Variants in ANAPC2 observed in about 807,000 individuals in gnomAD.
ANAPC2 encodes the protein anaphase-promoting complex subunit 2.
ANAPC2 carries 29 observed loss-of-function variants against 84.3 expected under a neutral mutation model. That is an observed-to-expected ratio of 0.34 (90% confidence interval 0.26 to 0.47). The LOEUF is 0.47. ANAPC2 is among the 20% of genes least tolerant of loss of function. The pLI, the probability that ANAPC2 is intolerant of heterozygous loss-of-function variation, is 1.00. For missense variants in ANAPC2, 857 were observed against 1,131.7 expected, an observed-to-expected ratio of 0.76 and a Z score of 3.48; for synonymous variants, 571 against 479.4, an observed-to-expected ratio of 1.19 and a Z score of -2.50.
chr9:137,184,143 C>T (rs899731837), intron 4 of ANAPC2, among the ~76,000 whole-genome samples: 23 of 152,354 alleles, frequency 1.5e-4, no homozygotes, highest in African/African-American at 5.5e-4. Context: ...GCCCGGTGCA[C>T]CCCCCTGCAA....
chr9:137,180,221 G>T lies in ANAPC2; in HGVS notation c.1850C>A (p.Ala617Glu), dbSNP rs749806668. 1.2e-6 allele frequency: 2 copies of T among 1,613,826 alleles called. No individual in the cohort carries two copies. Among genetic ancestry groups the T allele is most frequent in the East Asian group, 4.5e-5 (2 of 44,874 alleles). The stretch of plus-strand genomic sequence containing the variant: ...CTTCTTGCAGTAAGCCTCCAGGGCT[G>T]CCCTGATATCCTCGGGGACCTCCAG... ...EKLEVPEDIR[A>E]ALEAYCKKYE... The change falls in exon 10 of 13, where the codon GCA (alanine) becomes GAA (glutamate). Residue 617 changes from alanine to glutamate, a missense_variant. Transcript: ENST00000323927.
Position 137,180,788 on chromosome 9 carries a change from C to A in ANAPC2, c.1610G>T (p.Arg537Leu). ...ATGGCCAGCGCGTCACAGGCCTCAC[C>A]GCTCGGGGCTGAAGCTGAACTGGTG... The part of the protein sequence containing the change: ...LLHQFSFSPE[R>L]EIRNVELLKL... Residue 537 changes from arginine to leucine, a missense_variant and splice_region_variant, in exon 8 of 13, where the codon CGG becomes CTG. Physicochemically the swap from Arg to Leu is moderately radical, Grantham distance 102. This residue lies in a region of ANAPC2 where 425 missense variants were observed against 595.5 expected (regional missense o/e 0.71). Transcript: ENST00000323927. 1.2e-6 allele frequency: 2 copies of A among 1,610,260 alleles called. No individual in the cohort carries two copies. The highest frequency in any genetic ancestry group is 1.7e-6 in the Non-Finnish European group (2 of 1,179,506).
At position 137,180,209 on chromosome 9, in the gene ANAPC2, G is replaced by A; in HGVS notation, c.1862C>T (p.Ala621Val). 2 of 1,613,750 alleles carry A rather than the reference G, an allele frequency of 1.2e-6. No individual in the cohort carries two copies. Among genetic ancestry groups the A allele is most frequent in the Non-Finnish European group, 1.7e-6 (2 of 1,179,998 alleles). ...VPEDIRAALEAYCKKYEQLKA... is the reference protein window; with the variant it reads ...VPEDIRAALEVYCKKYEQLKA... ...GAGCTGCTCATACTTCTTGCAGTAA[G>A]CCTCCAGGGCTGCCCTGATATCCTC... Residue 621 changes from alanine to valine, a missense_variant, in exon 10 of 13, where the codon GCT becomes GTT. Ala to Val is a moderately conservative substitution (Grantham distance 64). This residue lies in a region of ANAPC2 where 425 missense variants were observed against 595.5 expected (regional missense o/e 0.71). Transcript: ENST00000323927.
intron 10 of ANAPC2, chr9:137,176,044 A>AG (rs1305878661): frequency 5.3e-6 from 3 of 564,342 alleles, no homozygotes; most frequent in Non-Finnish European, 8.8e-6. Flanking sequence ...CAGCATCATA[A>AG]GGTGTGTCCC....
chr9:137,183,071 G>A, intron 6 of ANAPC2, 54 bp downstream of exon 6: 4 of 1,450,160 alleles, frequency 2.8e-6, no homozygotes, highest in African/African-American at 1.4e-5. Flanking sequence ...ACCACGAGGA[G>A]CTCAGCAGGA....
rs770260478 is a variant in ANAPC2 at position 137,174,963 on chromosome 9, G to A, written c.2448C>T (p.Arg816=). Residue 816 remains arginine (R), a synonymous_variant, in exon 13 of 13, where the codon CGC becomes CGT. Transcript: ENST00000323927. The surrounding 1 kb of genome is among the most constrained non-coding windows in gnomAD (Gnocchi z 6.1). ...TGTGTCAGCTGCAGTTCTTGGGCAG[G>A]CGGTAGACGCCGGCCGAGTAGACGA... ...QQLVYSAGVY[R]LPKNCS The A allele has an allele frequency of 6.3e-7, 1 of 1,586,284 alleles. No individual in the cohort carries two copies. Among genetic ancestry groups the A allele is most frequent in the Non-Finnish European group, 8.6e-7 (1 of 1,168,086 alleles).
intron 3 of ANAPC2, 102 bp from the exon 4 acceptor site, chr9:137,185,189 G>T: frequency 7.7e-7 from 1 of 1,300,364 alleles, no homozygotes; most frequent in Non-Finnish European, 1.0e-6. Flanking sequence ...TGTCGGCCGG[G>T]ACCGAGGGGA....
In ANAPC2 at chr9:137,183,740, C is replaced by T. The variant is rs781263969; in HGVS notation, c.1100G>A (p.Arg367Lys). The change falls in exon 5 of 13, where the codon AGG (arginine) becomes AAG (lysine). Residue 367 changes from arginine to lysine, a missense_variant. Around this residue, in one of 3 missense-constraint regions of ANAPC2, gnomAD observed 428 missense variants for 513.8 expected, o/e 0.83. Transcript: ENST00000323927. ...GAGCAGCTGCTGCCTCTGGTCCGTC[C>T]TCTCCAGGCAGTACTTGAGGTCCTC... Reference protein sequence around the residue: ...AIEDLKYCLERTDQRQQLLVS... With the variant: ...AIEDLKYCLEKTDQRQQLLVS... The T allele has an allele frequency of 6.2e-7, 1 of 1,613,336 alleles. No individual in the cohort carries two copies. The highest frequency in any genetic ancestry group is 8.5e-7 in the Non-Finnish European group (1 of 1,179,952).
At position 137,180,331 on chromosome 9, in the gene ANAPC2, C is replaced by T. The variant is rs759284055; in HGVS notation, c.1740G>A (p.Lys580=). 6.2e-7 allele frequency: 1 copy of T among 1,613,260 alleles called. No homozygotes were observed. The highest frequency in any genetic ancestry group is 1.1e-5 in the South Asian group (1 of 91,090). Reference sequence around the variant, plus strand: ...ACGGTGGCTGCTCCTCTGCTGGCCGCTTCTCATCCTCCTCCCGGATGTTGG... The same window carrying T: ...ACGGTGGCTGCTCCTCTGCTGGCCGTTTCTCATCCTCCTCCCGGATGTTGG... ...INANIREEDE[K]RPAEEQPPFG... The change falls in exon 10 of 13, where the codon AAG becomes AAA. Residue 580 remains lysine (K), a synonymous_variant. Transcript: ENST00000323927.
rs1178544001 is a variant in ANAPC2 at position 137,181,868 on chromosome 9, G to A, written c.1287-6C>T. On this transcript the variant is annotated splice_polypyrimidine_tract_variant and splice_region_variant and intron_variant, in intron 6 of 12. Transcript: ENST00000323927. ...GCACTGTGTCCTCCCGCGTCCTGCC[G>A]ATGTGAGTGCTGCTGTGGCCCACAG... 14 of 1,598,908 alleles carry A rather than the reference G, an allele frequency of 8.8e-6. No homozygotes were observed. Among genetic ancestry groups the A allele is most frequent in the Admixed American group, 3.3e-5 (2 of 59,728 alleles).
chr9:137,175,162 C>A lies in ANAPC2; in HGVS notation c.2257-8G>T, dbSNP rs775469575. On this transcript the variant is annotated splice_polypyrimidine_tract_variant and splice_region_variant and intron_variant, in intron 12 of 12. Transcript: ENST00000323927. ...GATGTACGTCCAGAAGAGCTGCGGA[C>A]ACAGGCCAGCCCCCGTCAGGCACCT... 6.2e-7 allele frequency: 1 copy of A among 1,604,990 alleles called. No individual in the cohort carries two copies. Among genetic ancestry groups the A allele is most frequent in the South Asian group, 1.1e-5 (1 of 90,050 alleles).
At chr9:137,187,353 ACTCT>A (rs1358725623) in intron 2 of ANAPC2, 124 bp downstream of exon 2, 14 of 1,220,600 alleles carry the variant, frequency 1.1e-5, no homozygotes, top group Admixed American at 2.6e-5. Context: ...AATCCCTGGG[ACTCT>A]CTCTCTGTCA....
Position 137,175,444 on chromosome 9 carries a change from C to T in ANAPC2, c.2049G>A (p.Lys683=), listed in dbSNP as rs925783310. The part of the protein sequence containing the change: ...QASWTLEELS[K]AVKMPVALLR... The stretch of plus-strand genomic sequence containing the variant: ...GCAGCGCCACGGGCATCTTCACCGC[C>T]TTGCTCAGTTCCTCCAGGGTCCAGC... The change falls in exon 12 of 13, where the codon AAG becomes AAA. Residue 683 remains lysine (K), a synonymous_variant. Transcript: ENST00000323927. 15 of 1,594,592 alleles carry T rather than the reference C, an allele frequency of 9.4e-6. No homozygotes were observed. In the African/African-American group the frequency reaches 1.6e-4, roughly 17 times the overall value.
chr9:137,183,855 A>T, intron 4 of ANAPC2, 64 bp from the exon 5 acceptor site: 2 of 1,589,270 alleles, frequency 1.3e-6, no homozygotes, highest in Non-Finnish European at 1.7e-6. Context: ...AGGCTGGTGC[A>T]GAGTGTGTGC....
intron 7 of ANAPC2, 32 bp from the exon 8 acceptor site, chr9:137,180,961 C>T (rs762903848): frequency 1.2e-6 from 2 of 1,607,376 alleles, no homozygotes; most frequent in Non-Finnish European, 8.5e-7. Context: ...TGTCACCTGA[C>T]AGGCACCTGG....
chr9:137,187,611 C>G lies in ANAPC2; in HGVS notation c.610G>C (p.Asp204His). The change falls in exon 2 of 13, where the codon GAC (aspartate) becomes CAC (histidine). Residue 204 changes from aspartate to histidine, a missense_variant. Around this residue, in one of 3 missense-constraint regions of ANAPC2, gnomAD observed 428 missense variants for 513.8 expected, o/e 0.83. Transcript: ENST00000323927. ...GTDPELEGEL[D>H]SRYARRRYYR... Reference sequence around the variant, plus strand: ...TACCGGCGACGGGCATACCGGCTGTCCAGCTCCCCTTCCAGTTCCGGGTCT... The same window carrying G: ...TACCGGCGACGGGCATACCGGCTGTGCAGCTCCCCTTCCAGTTCCGGGTCT... The G allele has an allele frequency of 6.2e-7, 1 of 1,614,032 alleles. No individual in the cohort carries two copies.
rs757788965 is a variant in ANAPC2 at position 137,188,111 on chromosome 9, G to A, written c.118-8C>T. ...GCTGGTCCGGGAAGACACCTGGGGT[G>A]CAGAAAACCGTGAGGCGAGGGGAAC... On this transcript the variant is annotated splice_polypyrimidine_tract_variant and splice_region_variant and intron_variant, in intron 1 of 12. Transcript: ENST00000323927. 6.2e-7 allele frequency: 1 copy of A among 1,606,986 alleles called. No homozygotes were observed. Among genetic ancestry groups the A allele is most frequent in the Non-Finnish European group, 8.5e-7 (1 of 1,177,564 alleles).
intron 10 of ANAPC2, among the ~76,000 whole-genome samples, chr9:137,178,279 A>T (rs1193272373): frequency 6.6e-6 from 1 of 152,232 alleles, no homozygotes; most frequent in Non-Finnish European, 1.5e-5. Flanking sequence ...TGTGGGCTGC[A>T]TGGCCAGCCA....
chr9:137,185,449 G>A (rs937232322), intron 3 of ANAPC2, among the ~76,000 whole-genome samples: 1 of 152,160 alleles, frequency 6.6e-6, no homozygotes, highest in Admixed American at 6.5e-5. Context: ...CCAGCCGGGG[G>A]GCCCAGGCGA....
Sources: allele counts gnomAD v4.1 joint callset (sites outside exome capture counted in the v4.1 genomes callset), GRCh38; gene constraint gnomAD v4.1.1; regional missense constraint gnomAD v4.1.1; non-coding constraint Gnocchi (gnomAD v3.1); transcripts MANE v1.5; gene names NCBI Gene and HGNC (gene_info 2026-07-23, HGNC 2026-07-21).